SLC44A5: variants seen among roughly 807,000 people sequenced by gnomAD.
SLC44A5 encodes solute carrier family 44 member 5.
Under a neutral mutation model 101.8 loss-of-function variants are expected in SLC44A5, and 57 were observed. The observed-to-expected ratio is 0.56, with a 90% CI of 0.45 to 0.70. The LOEUF is 0.70. SLC44A5 is among the 30% of genes least tolerant of loss of function. The pLI, the probability that SLC44A5 is intolerant of heterozygous loss-of-function variation, is 0.00. For missense variants in SLC44A5, 737 were observed against 853.1 expected (o/e 0.86, Z 1.70); for synonymous variants, 281 against 290.9 (o/e 0.97, Z 0.35).
At chr1:75,718,136 T>C in the SLC44A5 span, among the ~76,000 whole-genome samples, 1 of 152,236 alleles carries the variant, frequency 6.6e-6, no homozygotes, top group Non-Finnish European at 1.5e-5. Flanking sequence ...ACTTAAATGT[T>C]TCATGAAAAC....
chr1:75,664,963 C>T, the SLC44A5 span, among the ~76,000 whole-genome samples: 1 of 149,434 alleles, frequency 6.7e-6, no homozygotes, highest in Non-Finnish European at 1.5e-5. Flanking sequence ...CAGAAGATCA[C>T]AGAAAAATGG....
intron 5 of SLC44A5, among the ~76,000 whole-genome samples, chr1:75,281,641 C>CCCCT (rs1652579023): frequency 1.1e-5 from 1 of 94,964 alleles, no homozygotes; most frequent in Middle Eastern, 3.9e-3. Context: ...GCCAGGCCCC[C>CCCCT]CCCCCCCCCC....
intron 12 of SLC44A5, among the ~76,000 whole-genome samples, chr1:75,230,000 A>C (rs1251643728): frequency 2.0e-5 from 3 of 152,026 alleles, no homozygotes; most frequent in African/African-American, 4.8e-5. Flanking sequence ...ATTTCTTTGA[A>C]CCACACAATC....
the SLC44A5 span, among the ~76,000 whole-genome samples, chr1:75,668,273 T>C: frequency 7.0e-6 from 1 of 141,996 alleles, no homozygotes; most frequent in Admixed American, 6.9e-5. Context: ...TTATATTCCT[T>C]GGGGAGGATT....
At chr1:75,592,932 C>CA (rs1674432051) in intron 1 of SLC44A5, among the ~76,000 whole-genome samples, 1 of 152,034 alleles carries the variant, frequency 6.6e-6, no homozygotes. Flanking sequence ...TTGGTCTAGG[C>CA]AAAAATTTCT....
chr1:75,634,995 G>A, the SLC44A5 span, among the ~76,000 whole-genome samples: 38,345 of 149,644 alleles, frequency 0.26, 6,162 homozygotes, highest in East Asian at 0.68. Flanking sequence ...AAAAGTGGGC[G>A]AAGGATATGA....
rs71656829 is a variant in SLC44A5 at position 75,438,209 on chromosome 1, G to A, written c.14-41588C>T. Among the ~76,000 whole-genome samples the A allele has an allele frequency of 2.9e-3, 434 of 152,232 alleles. 1 individual carries two copies. Among genetic ancestry groups the A allele is most frequent in the South Asian group, 4.1e-3 (20 of 4,830 alleles). ...TTAAGAGAAATGAAGGCTAGTCATTGGATTCAGCAATCTGGAAGTTATTGA... is the reference window on the plus strand; with the variant it reads ...TTAAGAGAAATGAAGGCTAGTCATTAGATTCAGCAATCTGGAAGTTATTGA... On this transcript the variant is annotated intron_variant, in intron 2 of 23. Coordinates refer to ENST00000370859, the MANE Select transcript of SLC44A5 (RefSeq NM_001130058.2).
intron 2 of SLC44A5, among the ~76,000 whole-genome samples, chr1:75,532,259 G>A (rs892416366): frequency 2.4e-4 from 37 of 152,100 alleles, no homozygotes; most frequent in Non-Finnish European, 3.5e-4. Flanking sequence ...GCATACTCTC[G>A]GGAATTAACT....
At chr1:75,339,508 C>T (rs1657702173) in intron 4 of SLC44A5, 74 bp downstream of exon 4, 2 of 1,203,570 alleles carry the variant, frequency 1.7e-6, no homozygotes, top group Non-Finnish European at 2.4e-6. Flanking sequence ...GACTGGAAAA[C>T]AGTACCTCCC....
At chr1:75,217,796 T>C (rs1188378025) in intron 18 of SLC44A5, 70 bp downstream of exon 18, 3 of 964,746 alleles carry the variant, frequency 3.1e-6, no homozygotes, top group Non-Finnish European at 5.1e-6. Context: ...CAAGTTATAA[T>C]CATCAGGTCT....
chr1:75,609,833 G>A (rs1195177147), intron 1 of SLC44A5, among the ~76,000 whole-genome samples: 2 of 152,144 alleles, frequency 1.3e-5, no homozygotes, highest in East Asian at 3.9e-4. Flanking sequence ...ATGATCTAAT[G>A]TTATGTAACC....
intron 17 of SLC44A5, among the ~76,000 whole-genome samples, chr1:75,218,220 A>G (rs934239996): frequency 2.0e-5 from 3 of 152,124 alleles, no homozygotes; most frequent in African/African-American, 7.2e-5. Context: ...ATGGAGACAC[A>G]GAGCCAAGTT....
At chr1:75,481,163 C>T (rs564321839) in intron 2 of SLC44A5, among the ~76,000 whole-genome samples, 114 of 152,324 alleles carry the variant, frequency 7.5e-4, no homozygotes, top group African/African-American at 2.5e-3. Context: ...AAAGGATTCC[C>T]TGTTTAATAA....
At chr1:75,261,563 G>T (rs1174783522) in intron 6 of SLC44A5, among the ~76,000 whole-genome samples, 1 of 152,072 alleles carries the variant, frequency 6.6e-6, no homozygotes, top group African/African-American at 2.4e-5. Context: ...GGACCAGATG[G>T]ATTCACAGCC....
intron 2 of SLC44A5, among the ~76,000 whole-genome samples, chr1:75,446,673 CACAT>C (rs1225638253): frequency 2.7e-5 from 4 of 147,648 alleles, no homozygotes; most frequent in Non-Finnish European, 6.0e-5. Context: ...CACACACACA[CACAT>C]ACACACACAC....
intron 5 of SLC44A5, among the ~76,000 whole-genome samples, chr1:75,299,783 G>T (rs1277064549): frequency 1.3e-5 from 2 of 151,742 alleles, no homozygotes; most frequent in African/African-American, 4.8e-5. Flanking sequence ...GGCCGAGGGG[G>T]GCAGATCATG....
At chr1:75,713,453 C>T in the SLC44A5 span, among the ~76,000 whole-genome samples, 7 of 152,100 alleles carry the variant, frequency 4.6e-5, no homozygotes, top group African/African-American at 1.7e-4. Flanking sequence ...TATTTAACTC[C>T]AAAGGATTCT....
chr1:75,577,565 C>T (rs1673443236), intron 1 of SLC44A5, among the ~76,000 whole-genome samples: 1 of 152,136 alleles, frequency 6.6e-6, no homozygotes, highest in Non-Finnish European at 1.5e-5. Flanking sequence ...CCCTAAATAC[C>T]TTCTTAAAAT....
chr1:75,580,530 A>C (rs868084285), intron 1 of SLC44A5, among the ~76,000 whole-genome samples: 3 of 152,222 alleles, frequency 2.0e-5, no homozygotes, highest in African/African-American at 7.2e-5. Flanking sequence ...TGAAGAATTC[A>C]TAGGAACAAA....
Sources: gnomAD v4.1 joint callset for allele counts (sites outside exome capture counted in the v4.1 genomes callset) on GRCh38, gnomAD v4.1.1 for gene constraint, MANE v1.5 for transcripts, NCBI Gene and HGNC (gene_info 2026-07-23, HGNC 2026-07-21) for gene names.